ITPR1: variants seen among roughly 807,000 people sequenced by gnomAD.
The protein encoded by ITPR1 is inositol 1,4,5-trisphosphate-gated calcium channel ITPR1.
A neutral mutation model predicts 318.4 loss-of-function variants in ITPR1; 96 were observed. The observed-to-expected ratio is 0.30, with a 90% CI of 0.26 to 0.36. The LOEUF is 0.36. ITPR1 is among the 10% of genes least tolerant of loss of function. The pLI is 1.00. For missense variants in ITPR1, 2,440 were observed against 3,460.2 expected (o/e 0.71, Z 7.40); for synonymous variants, 1,312 against 1,289.9 (o/e 1.02, Z -0.37).
At chr3:4,705,619 T>C in intron 36 of ITPR1, among the ~76,000 whole-genome samples, 1 of 152,198 alleles carries the variant, frequency 6.6e-6, no homozygotes, top group East Asian at 1.9e-4. Flanking sequence ...TGTCTCCCAT[T>C]ATGGGTTTGA....
chr3:4,620,579 C>T (rs1007929004), intron 4 of ITPR1, among the ~76,000 whole-genome samples: 20 of 152,054 alleles, frequency 1.3e-4, no homozygotes, highest in African/African-American at 4.8e-4. Flanking sequence ...CAAGCTCCAT[C>T]CCTCCATCCT....
chr3:4,634,225 T>A (rs897405484), intron 5 of ITPR1, among the ~76,000 whole-genome samples: 3 of 152,190 alleles, frequency 2.0e-5, no homozygotes, highest in African/African-American at 7.2e-5. Context: ...TTTTTCTTTT[T>A]TTTTTGAGAC....
At chr3:4,766,455 A>C in intron 44 of ITPR1, 75 bp from the exon 45 acceptor site, 1 of 1,252,664 alleles carries the variant, frequency 8.0e-7, no homozygotes, top group Non-Finnish European at 1.1e-6. Flanking sequence ...GATCTTCATT[A>C]GGTTTTGGTG....
At chr3:4,541,545 G>T (rs2084440487) in intron 4 of ITPR1, among the ~76,000 whole-genome samples, 1 of 151,720 alleles carries the variant, frequency 6.6e-6, no homozygotes, top group African/African-American at 2.4e-5. Context: ...TATTTATCCT[G>T]CATGATATTT....
chr3:4,596,473 T>A (rs1312758567), intron 4 of ITPR1, among the ~76,000 whole-genome samples: 1 of 152,240 alleles, frequency 6.6e-6, no homozygotes, highest in East Asian at 1.9e-4. Flanking sequence ...ATCACTTATT[T>A]AAAGCTAGCA....
chr3:4,742,647 T>C (rs943167969), intron 44 of ITPR1, among the ~76,000 whole-genome samples: 2 of 152,190 alleles, frequency 1.3e-5, no homozygotes, highest in African/African-American at 4.8e-5. Context: ...TTTTAAGAGA[T>C]AGGGTCTTGC....
chr3:4,652,057 C>A, intron 10 of ITPR1, 66 bp from the exon 11 acceptor site: 2 of 1,210,294 alleles, frequency 1.7e-6, no homozygotes, highest in Non-Finnish European at 1.2e-6. Context: ...ACTTGTGATA[C>A]CTCCGATTTA....
intron 4 of ITPR1, among the ~76,000 whole-genome samples, chr3:4,539,539 A>G (rs1243044711): frequency 1.3e-5 from 2 of 152,154 alleles, no homozygotes; most frequent in Non-Finnish European, 2.9e-5. Context: ...TGGTGGTTGC[A>G]TGAATTTGTG....
Position 4,552,168 on chromosome 3 carries a change from C to T in ITPR1, c.163+31074C>T, listed in dbSNP as rs1381485408. On this transcript the variant is annotated intron_variant, in intron 4 of 61. Coordinates refer to ENST00000649015, the MANE Select transcript of ITPR1 (RefSeq NM_001378452.1). ...AGTCAACACAGATTTCTGTGACAAACGGGGTGGGGGAAATTCTCCCCATCA... is the reference window on the plus strand; with the variant it reads ...AGTCAACACAGATTTCTGTGACAAATGGGGTGGGGGAAATTCTCCCCATCA... Among the ~76,000 whole-genome samples, 5 of 152,304 alleles carry T rather than the reference C, an allele frequency of 3.3e-5. No individual in the cohort carries two copies. In the South Asian group the frequency reaches 8.3e-4, roughly 25 times the overall value.
rs553487031 is a variant in ITPR1 at position 4,592,562 on chromosome 3, G to T, written c.164-35201G>T. On this transcript the variant is annotated intron_variant, in intron 4 of 61. Coordinates refer to ENST00000649015, the MANE Select transcript of ITPR1 (RefSeq NM_001378452.1). ...CATAACTGGCTGGAGCTCGGTGGTT[G>T]AAGTGATGCTGTCATGTCTCCAGGG... is the stretch of plus-strand genomic sequence containing the variant. Among the ~76,000 whole-genome samples the T allele has an allele frequency of 2.6e-5, 4 of 152,186 alleles. No individual in the cohort carries two copies. The South Asian group carries it at 8.3e-4, about 32-fold the overall frequency.
At position 4,775,396 on chromosome 3, in the gene ITPR1, T is replaced by A; in HGVS notation, c.6134T>A (p.Leu2045Gln). 1 of 1,613,858 alleles carries A rather than the reference T, an allele frequency of 6.2e-7. No homozygotes were observed. The highest frequency in any genetic ancestry group is 1.1e-5 in the South Asian group (1 of 91,086). Reference sequence around the variant, plus strand: ...AATGTAGCGCTTATCAACCAAACCCTGGAAAGTCTGACCGAATACTGTCAA... The same window carrying A: ...AATGTAGCGCTTATCAACCAAACCCAGGAAAGTCTGACCGAATACTGTCAA... Reference protein sequence around the residue: ...EKNVALINQTLESLTEYCQGP... With the variant: ...EKNVALINQTQESLTEYCQGP... Residue 2045 changes from leucine (L) to glutamine (Q), a missense_variant, in exon 47 of 62, where the codon CTG becomes CAG. This residue lies in a region of ITPR1 where 76 missense variants were observed against 162.1 expected (regional missense o/e 0.47). Coordinates refer to ENST00000649015, the MANE Select transcript of ITPR1 (RefSeq NM_001378452.1).
At chr3:4,639,708 C>G (rs911583904) in intron 6 of ITPR1, among the ~76,000 whole-genome samples, 1 of 152,172 alleles carries the variant, frequency 6.6e-6, no homozygotes, top group Non-Finnish European at 1.5e-5. Context: ...TCATTTCACT[C>G]CAGACACTTC....
At chr3:4,834,085 G>T (rs1423277785) in intron 60 of ITPR1, among the ~76,000 whole-genome samples, 1 of 152,062 alleles carries the variant, frequency 6.6e-6, no homozygotes, top group East Asian at 1.9e-4. Flanking sequence ...TAGAGATGGA[G>T]TCTCACTCTA....
chr3:4,726,749 T>A (rs1423246837), intron 41 of ITPR1, among the ~76,000 whole-genome samples: 1 of 152,228 alleles, frequency 6.6e-6, no homozygotes, highest in Non-Finnish European at 1.5e-5. Flanking sequence ...GCATGTGCTG[T>A]GCAATGATGC....
intron 3 of ITPR1, among the ~76,000 whole-genome samples, chr3:4,518,362 A>G (rs1335037167): frequency 1.3e-5 from 2 of 152,296 alleles, no homozygotes; most frequent in East Asian, 1.9e-4. Flanking sequence ...TTTTCCTCAA[A>G]CATTGTAAAC....
chr3:4,712,389 A>G (rs2041443772), intron 39 of ITPR1, among the ~76,000 whole-genome samples: 1 of 152,330 alleles, frequency 6.6e-6, no homozygotes, highest in African/African-American at 2.4e-5. Context: ...TTCTTAGTAT[A>G]TGCAGTGAAC....
At chr3:4,665,724 A>G (rs1488858256) in intron 17 of ITPR1, among the ~76,000 whole-genome samples, 2 of 152,150 alleles carry the variant, frequency 1.3e-5, no homozygotes, top group African/African-American at 2.4e-5. Flanking sequence ...ATTCTAAGTC[A>G]TTGTCTATAG....
In ITPR1 at chr3:4,735,294, G is replaced by C; in HGVS notation, c.5484G>C (p.Val1828=). 5 of 1,613,962 alleles carry C rather than the reference G, an allele frequency of 3.1e-6. No individual in the cohort carries two copies. The highest frequency in any genetic ancestry group is 4.2e-6 in the Non-Finnish European group (5 of 1,179,858). ...TCATGAACGCATCCAGTGACCGAGTGTTCCATGAAAGCATTCTCCTGGCCA... is the reference window on the plus strand; with the variant it reads ...TCATGAACGCATCCAGTGACCGAGTCTTCCATGAAAGCATTCTCCTGGCCA... ...DLIMNASSDR[V]FHESILLAIA... The change falls in exon 44 of 62, where the codon GTG becomes GTC. Residue 1828 remains valine, a synonymous_variant. Coordinates refer to ENST00000649015, the MANE Select transcript of ITPR1 (RefSeq NM_001378452.1).
At chr3:4,781,518 A>G (rs1443112128) in intron 49 of ITPR1, among the ~76,000 whole-genome samples, 4 of 152,144 alleles carry the variant, frequency 2.6e-5, no homozygotes, top group African/African-American at 9.7e-5. Context: ...AGGCACAGAA[A>G]TGCTCTGAGA....
Sources: allele counts gnomAD v4.1 joint callset (sites outside exome capture counted in the v4.1 genomes callset), GRCh38; gene constraint gnomAD v4.1.1; regional missense constraint gnomAD v4.1.1; transcripts MANE v1.5; gene names NCBI Gene and HGNC (gene_info 2026-07-23, HGNC 2026-07-21).